The following SHOC1 variants were observed in gnomAD, a reference collection of about 807,000 sequenced individuals.
SHOC1 encodes the protein shortage in chiasmata 1.
SHOC1 carries 136 observed loss-of-function variants against 179.2 expected under a neutral mutation model. The ratio of observed to expected loss-of-function variants is 0.76; its 90% CI spans 0.66 to 0.87. SHOC1 has a LOEUF of 0.87. SHOC1 is among the 40% of genes least tolerant of loss of function. The pLI, the probability that SHOC1 is intolerant of heterozygous loss-of-function variation, is 0.00. For synonymous variants in SHOC1, 489 were observed against 586.6 expected (o/e 0.83, Z 2.41); for missense variants, 1,538 against 1,700.8 (o/e 0.90, Z 1.68).
At chr9:111,753,351 C>A (rs1834692913) in intron 8 of SHOC1, among the ~76,000 whole-genome samples, 1 of 151,996 alleles carries the variant, frequency 6.6e-6, no homozygotes, top group Non-Finnish European at 1.5e-5. Flanking sequence ...AAAGACATCA[C>A]AAGAAAATAA....
rs1444601702 is a variant in SHOC1, at chr9:111,693,846, A to C, written c.3418T>G (p.Cys1140Gly). The change falls in exon 26 of 28, where the codon TGT becomes GGT. Residue 1140 changes from cysteine (C) to glycine (G), a missense_variant. Transcript: ENST00000682961. ...SLHWILLATLCQLQELLPEVP... is the reference protein window; with the variant it reads ...SLHWILLATLGQLQELLPEVP... ...TCAGGTAGGAGTTCCTGAAGTTGAC[A>C]CAGAGTTGCTAATAATATCCAATGC... The C allele has an allele frequency of 6.2e-7, 1 of 1,612,156 alleles. No homozygotes were observed. The highest frequency in any genetic ancestry group is 8.5e-7 in the Non-Finnish European group (1 of 1,178,762).
intron 8 of SHOC1, among the ~76,000 whole-genome samples, chr9:111,750,351 GAC>G (rs1196262382): frequency 6.6e-6 from 1 of 151,600 alleles, no homozygotes; most frequent in East Asian, 1.9e-4. Context: ...TTCTTTTTGA[GAC>G]AGAGTCTTGC....
At chr9:111,752,641 A>G (rs1255010287) in intron 8 of SHOC1, among the ~76,000 whole-genome samples, 3 of 152,232 alleles carry the variant, frequency 2.0e-5, no homozygotes, top group Non-Finnish European at 4.4e-5. Context: ...TGAAATTAGT[A>G]TCCAAAGATT....
chr9:111,695,980 G>A (rs916366325), intron 24 of SHOC1, among the ~76,000 whole-genome samples: 1 of 152,152 alleles, frequency 6.6e-6, no homozygotes, highest in African/African-American at 2.4e-5. Context: ...GATTCTCAGG[G>A]CAAATGGGAA....
chr9:111,784,413 T>C (rs1836187125), intron 3 of SHOC1, among the ~76,000 whole-genome samples: 2 of 152,196 alleles, frequency 1.3e-5, no homozygotes, highest in South Asian at 4.1e-4. Flanking sequence ...ACATCTCACA[T>C]CTCCGTTACT....
chr9:111,729,538 C>T (rs977116310), intron 12 of SHOC1, among the ~76,000 whole-genome samples: 4 of 152,160 alleles, frequency 2.6e-5, no homozygotes, highest in Non-Finnish European at 5.9e-5. Flanking sequence ...TTTCTTTTCA[C>T]GAAAGATTTT....
Position 111,718,264 on chromosome 9 carries a change from G to C in SHOC1, c.2156C>G (p.Thr719Ser). 6.3e-7 allele frequency: 1 copy of C among 1,594,114 alleles called. No individual in the cohort carries two copies. The highest frequency in any genetic ancestry group is 8.5e-7 in the Non-Finnish European group (1 of 1,173,192). ...ATGTAAGAGAGCGGCATGCTTGAAAGTCATTTCTCTTTCATCAATTGTACC... is the reference window on the plus strand; with the variant it reads ...ATGTAAGAGAGCGGCATGCTTGAAACTCATTTCTCTTTCATCAATTGTACC... Reference protein sequence around the residue: ...RQGTIDEREMTFKHAALLHLL... With the variant: ...RQGTIDEREMSFKHAALLHLL... Residue 719 changes from threonine to serine, a missense_variant, in exon 16 of 28, where the codon ACT (threonine) becomes AGT (serine). Transcript: ENST00000682961.
chr9:111,730,324 T>C (rs1833507589), intron 12 of SHOC1, among the ~76,000 whole-genome samples: 1 of 152,192 alleles, frequency 6.6e-6, no homozygotes, highest in Admixed American at 6.5e-5. Flanking sequence ...TTCTCAAAAG[T>C]ATTTCAATTG....
Position 111,703,893 on chromosome 9 carries a change from G to GC in SHOC1, c.2954_2955insG (p.Ile986HisfsTer12). ...TACCTAGTTTTACCTGCAAAATTAT[G>GC]GCAGTGTGTTCATCAATTGTCACCA... On this transcript the variant is annotated frameshift_variant, in exon 22 of 28. Coordinates refer to ENST00000682961, the MANE Select transcript of SHOC1 (RefSeq NM_001378211.1). LOFTEE classifies it high-confidence loss of function. 3 of 1,584,326 alleles carry GC rather than the reference G, an allele frequency of 1.9e-6. No homozygotes were observed. Among genetic ancestry groups the GC allele is most frequent in the Non-Finnish European group, 1.7e-6 (2 of 1,157,836 alleles).
At position 111,792,913 on chromosome 9, in the gene SHOC1, C is replaced by T. The variant is rs1434760433; in HGVS notation, c.-36-1459G>A. ...TTTTTTTTTTTTTGAGACGGAGTCT[C>T]GCTCTGTCCCCCAGGCTGGAGTGCA... is the stretch of plus-strand genomic sequence containing the variant. On this transcript the variant is annotated intron_variant, in intron 1 of 27. Coordinates refer to ENST00000682961, the MANE Select transcript of SHOC1 (RefSeq NM_001378211.1). Among the ~76,000 whole-genome samples the T allele has an allele frequency of 2.6e-5, 4 of 151,150 alleles. 1 individual carries two copies. Among genetic ancestry groups the T allele is most frequent in the African/African-American group, 9.7e-5 (4 of 41,050 alleles).
intron 13 of SHOC1, among the ~76,000 whole-genome samples, chr9:111,726,554 T>C (rs528815996): frequency 2.0e-5 from 3 of 152,304 alleles, no homozygotes; most frequent in African/African-American, 7.2e-5. Flanking sequence ...TGAGCCACCA[T>C]GCCCAGCCCC....
intron 16 of SHOC1, among the ~76,000 whole-genome samples, chr9:111,716,063 C>G (rs1832772043): frequency 6.6e-6 from 1 of 151,994 alleles, no homozygotes; most frequent in African/African-American, 2.4e-5. Flanking sequence ...TCTTGGCTTT[C>G]AAGAGGTATA....
intron 8 of SHOC1, among the ~76,000 whole-genome samples, chr9:111,755,495 T>C (rs1297703396): frequency 6.6e-6 from 1 of 152,260 alleles, no homozygotes; most frequent in South Asian, 2.1e-4. Context: ...TTAAATGAAA[T>C]TTATGAGAGG....
At chr9:111,764,387 G>A (rs1835265363) in intron 5 of SHOC1, among the ~76,000 whole-genome samples, 2 of 152,112 alleles carry the variant, frequency 1.3e-5, no homozygotes, top group African/African-American at 4.8e-5. Flanking sequence ...TATAGGGTTT[G>A]GTACTATCAG....
At chr9:111,753,118 T>A (rs1039960685) in intron 8 of SHOC1, among the ~76,000 whole-genome samples, 1 of 152,206 alleles carries the variant, frequency 6.6e-6, no homozygotes, top group African/African-American at 2.4e-5. Flanking sequence ...TCTACCTAGT[T>A]TTTTAAACTA....
chr9:111,792,899 T>C lies in SHOC1; in HGVS notation c.-36-1445A>G, dbSNP rs1252421625. On this transcript the variant is annotated intron_variant, in intron 1 of 27. Transcript: ENST00000682961. ...GTGTATCACTGATCTTTTTTTTTTTTTGAGACGGAGTCTCGCTCTGTCCCC... is the reference window on the plus strand; with the variant it reads ...GTGTATCACTGATCTTTTTTTTTTTCTGAGACGGAGTCTCGCTCTGTCCCC... Among the ~76,000 whole-genome samples, 3 of 152,236 alleles carry C rather than the reference T, an allele frequency of 2.0e-5. No individual in the cohort carries two copies. In the South Asian group the frequency reaches 6.2e-4, roughly 32 times the overall value.
intron 5 of SHOC1, among the ~76,000 whole-genome samples, chr9:111,760,157 T>A (rs1835073531): frequency 6.6e-6 from 1 of 152,192 alleles, no homozygotes; most frequent in Non-Finnish European, 1.5e-5. Context: ...ATCTACAGCC[T>A]CATTCTGGAT....
chr9:111,739,758 A>G (rs1196621675), intron 11 of SHOC1, among the ~76,000 whole-genome samples: 1 of 152,100 alleles, frequency 6.6e-6, no homozygotes, highest in African/African-American at 2.4e-5. Context: ...GATAATTTCA[A>G]TATATGATCT....
At chr9:111,718,670 A>G (rs1832907346) in intron 15 of SHOC1, among the ~76,000 whole-genome samples, 1 of 152,228 alleles carries the variant, frequency 6.6e-6, no homozygotes. Context: ...TGAAACAAGA[A>G]TAAAAATAGA....
Sources: allele counts gnomAD v4.1 joint callset (sites outside exome capture counted in the v4.1 genomes callset), GRCh38; gene constraint gnomAD v4.1.1; transcripts MANE v1.5; gene names NCBI Gene and HGNC (gene_info 2026-07-23, HGNC 2026-07-21).